SP140L: variants seen among roughly 807,000 people sequenced by gnomAD.
SP140L encodes the protein SP140 like nuclear body protein.
In SP140L, 64 loss-of-function variants were observed where a neutral mutation model predicts 84.3. The ratio of observed to expected loss-of-function variants is 0.76; its 90% CI spans 0.62 to 0.94. SP140L has a LOEUF of 0.94. Among genes scored for constraint, SP140L ranks in the 40% least tolerant of loss-of-function variants. The pLI is 0.00. For synonymous variants in SP140L, 242 were observed against 236.9 expected, an observed-to-expected ratio of 1.02 and a Z score of -0.20; for missense variants, 628 against 692.5, an observed-to-expected ratio of 0.91 and a Z score of 1.05.
At chr2:230,395,588 G>T (rs2062013708) in intron 13 of SP140L, among the ~76,000 whole-genome samples, 1 of 150,990 alleles carries the variant, frequency 6.6e-6, no homozygotes, top group Non-Finnish European at 1.5e-5. Flanking sequence ...TCAAAAAAAA[G>T]AAAAAAAAAT....
In SP140L at chr2:230,385,319, G is replaced by T. The variant is rs768847321; in HGVS notation, c.784+15G>T. 1 of 1,612,280 alleles carries T rather than the reference G, an allele frequency of 6.2e-7. No homozygotes were observed. On this transcript the variant is annotated intron_variant, in intron 9 of 18. Transcript: ENST00000415673. ...CAAGATTAGGGGTAAGATAAAGTTG[G>T]TACCACTTTTCATTTGCCCTGCAGG...
chr2:230,364,064 G>T (rs2060799672), intron 5 of SP140L, among the ~76,000 whole-genome samples: 1 of 152,046 alleles, frequency 6.6e-6, no homozygotes, highest in Admixed American at 6.5e-5. Flanking sequence ...GATTATTATA[G>T]CTTTGTAGTA....
intron 7 of SP140L, chr2:230,371,858 A>G (rs2061085894): frequency 3.6e-6 from 2 of 551,560 alleles, no homozygotes; most frequent in Non-Finnish European, 6.7e-6. Flanking sequence ...TACAGATACA[A>G]TTAATTTAGA....
chr2:230,394,463 A>G (rs1012021170), intron 13 of SP140L, among the ~76,000 whole-genome samples: 6 of 152,228 alleles, frequency 3.9e-5, no homozygotes, highest in African/African-American at 1.2e-4. Context: ...ATTATCTGAT[A>G]TACTGGCTGA....
chr2:230,335,861 G>A (rs748614729), intron 2 of SP140L, among the ~76,000 whole-genome samples: 9 of 152,140 alleles, frequency 5.9e-5, no homozygotes, highest in Non-Finnish European at 1.3e-4. Flanking sequence ...GGCTGGTACA[G>A]GTTCTTGTCT....
intron 2 of SP140L, chr2:230,342,082 T>A (rs925107026): frequency 6.1e-5 from 10 of 164,452 alleles, no homozygotes; most frequent in Non-Finnish European, 1.2e-4. Context: ...CGGGCGCCCC[T>A]CCCCCAGCGT....
At chr2:230,336,807 G>T (rs1401583156) in intron 2 of SP140L, among the ~76,000 whole-genome samples, 1 of 152,130 alleles carries the variant, frequency 6.6e-6, no homozygotes, top group African/African-American at 2.4e-5. Flanking sequence ...TACAGATCAT[G>T]ACTTCTACTA....
intron 7 of SP140L, 100 bp downstream of exon 7, chr2:230,371,751 C>T (rs1354466504): frequency 3.5e-6 from 4 of 1,130,660 alleles, no homozygotes; most frequent in Non-Finnish European, 5.1e-6. Context: ...TTATTATTTG[C>T]AATACTGTGG....
intron 7 of SP140L, among the ~76,000 whole-genome samples, chr2:230,377,463 G>T (rs2061279510): frequency 1.3e-5 from 2 of 152,116 alleles, no homozygotes; most frequent in Admixed American, 1.3e-4. Context: ...CCATGTTATT[G>T]TGTGTGTTCA....
At chr2:230,395,357 G>C (rs1276460172) in intron 13 of SP140L, among the ~76,000 whole-genome samples, 1 of 152,020 alleles carries the variant, frequency 6.6e-6, no homozygotes, top group Non-Finnish European at 1.5e-5. Flanking sequence ...ATGGGAGGAT[G>C]ACTTGAGCTC....
chr2:230,340,047 G>C (rs1359639497), intron 2 of SP140L, among the ~76,000 whole-genome samples: 1 of 145,906 alleles, frequency 6.9e-6, no homozygotes, highest in African/African-American at 2.6e-5. Context: ...GGGTATCCTT[G>C]TTGACTTTCT....
intron 14 of SP140L, 43 bp from the exon 15 acceptor site, chr2:230,400,084 A>C: frequency 6.2e-7 from 1 of 1,608,156 alleles, no homozygotes; most frequent in Non-Finnish European, 8.5e-7. Flanking sequence ...GCCTTCCTGA[A>C]TCTTGTGATT....
intron 11 of SP140L, 99 bp downstream of exon 11, chr2:230,390,122 T>C: frequency 1.8e-6 from 2 of 1,111,770 alleles, no homozygotes; most frequent in Non-Finnish European, 2.6e-6. Flanking sequence ...TCAAGGAGTT[T>C]TGGGCCCAGT....
chr2:230,378,916 C>T (rs1237792046), intron 7 of SP140L, among the ~76,000 whole-genome samples: 1 of 152,146 alleles, frequency 6.6e-6, no homozygotes, highest in African/African-American at 2.4e-5. Context: ...CCAATTCCTC[C>T]TTATTTTGTT....
At position 230,398,941 on chromosome 2, in the gene SP140L, G is replaced by A. The variant is rs141033832; in HGVS notation, c.1198-1186G>A. Among the ~76,000 whole-genome samples the A allele has an allele frequency of 5.4e-4, 82 of 152,352 alleles. 2 individuals carry two copies. Among genetic ancestry groups the A allele is most frequent in the Middle Eastern group, 3.4e-3 (1 of 294 alleles). On this transcript the variant is annotated intron_variant, in intron 14 of 18. Transcript: ENST00000415673. Reference sequence around the variant, plus strand: ...CAAAAATAAGCAGAAGGTGCAAGCGGTCCTCTTGATCAGAAGTGTTGGTAG... The same window carrying A: ...CAAAAATAAGCAGAAGGTGCAAGCGATCCTCTTGATCAGAAGTGTTGGTAG...
intron 15 of SP140L, 90 bp from the exon 16 acceptor site, chr2:230,400,865 G>A: frequency 3.9e-6 from 6 of 1,531,180 alleles, no homozygotes; most frequent in Non-Finnish European, 3.6e-6. Flanking sequence ...GAGCCCATCA[G>A]CCATTCCTGA....
intron 2 of SP140L, among the ~76,000 whole-genome samples, chr2:230,352,855 C>CAT (rs144281957): frequency 0.12 from 18,675 of 151,674 alleles, 1,185 homozygotes; most frequent in Middle Eastern, 0.15. Flanking sequence ...CACACACACA[C>CAT]ATATATGTGT....
At chr2:230,382,135 G>A (rs895042635) in intron 7 of SP140L, among the ~76,000 whole-genome samples, 1 of 152,072 alleles carries the variant, frequency 6.6e-6, no homozygotes, top group Non-Finnish European at 1.5e-5. Flanking sequence ...TATCCTCTTT[G>A]TCCATGACAC....
At chr2:230,345,744 C>T (rs2060190412) in intron 2 of SP140L, among the ~76,000 whole-genome samples, 1 of 152,074 alleles carries the variant, frequency 6.6e-6, no homozygotes, top group Admixed American at 6.5e-5. Flanking sequence ...ACTTCAACCA[C>T]ATATAAAACT....
Sources: allele counts gnomAD v4.1 joint callset (sites outside exome capture counted in the v4.1 genomes callset), GRCh38; gene constraint gnomAD v4.1.1; transcripts MANE v1.5; gene names NCBI Gene and HGNC (gene_info 2026-07-23, HGNC 2026-07-21).